Variants in UMAD1 observed in about 807,000 individuals in gnomAD.
The protein encoded by UMAD1 is UBAP1-MVB12-associated (UMA) domain containing 1.
A neutral mutation model predicts 6.1 loss-of-function variants in UMAD1; 8 were observed. The observed-to-expected ratio is 1.30, with a 90% CI of 0.76 to 2.35. The LOEUF is 2.35. Among genes scored for constraint, UMAD1 ranks in the 30% most tolerant of loss-of-function variants. UMAD1 has a pLI of 0.00. For synonymous variants in UMAD1, 56 were observed against 31.4 expected (o/e 1.78, Z -2.61); for missense variants, 130 against 78.4 (o/e 1.66, Z -2.49).
At chr7:7,868,263 C>G (rs1784269273) in intron 3 of UMAD1, 1 of 152,172 alleles carries the variant, frequency 6.6e-6, no homozygotes, top group South Asian at 2.1e-4. Context: ...ATTTAACGCA[C>G]TATTTCTTGC....
intron 1 of UMAD1, among the ~76,000 whole-genome samples, chr7:7,644,855 CTG>C (rs1241171725): frequency 6.6e-6 from 1 of 152,142 alleles, no homozygotes; most frequent in African/African-American, 2.4e-5. Context: ...CCAGGAAAAA[CTG>C]TGTTGGAATT....
intron 3 of UMAD1, among the ~76,000 whole-genome samples, chr7:7,817,915 G>A (rs11760675): frequency 0.55 from 83,424 of 151,680 alleles, 23,678 homozygotes; most frequent in East Asian, 0.63. Flanking sequence ...CTGGGCTCAT[G>A]TGATCTTCTC....
At chr7:7,680,506 A>G (rs1182093868) in intron 2 of UMAD1, among the ~76,000 whole-genome samples, 1 of 152,078 alleles carries the variant, frequency 6.6e-6, no homozygotes, top group African/African-American at 2.4e-5. Flanking sequence ...TGCTTAGAAC[A>G]GTTTTGGCTT....
At chr7:7,742,042 G>A in intron 2 of UMAD1, 1 of 523,344 alleles carries the variant, frequency 1.9e-6, no homozygotes, top group Non-Finnish European at 3.7e-6. Flanking sequence ...CAGTTCCATT[G>A]TACAGCACAG....
intron 2 of UMAD1, among the ~76,000 whole-genome samples, chr7:7,752,902 GT>G (rs1198518125): frequency 6.6e-6 from 1 of 151,756 alleles, no homozygotes; most frequent in Non-Finnish European, 1.5e-5. Context: ...TCTTTAAAAG[GT>G]CTAGAAAAGT....
intron 1 of UMAD1, among the ~76,000 whole-genome samples, chr7:7,664,394 T>G (rs149243395): frequency 6.6e-6 from 1 of 152,182 alleles, no homozygotes; most frequent in East Asian, 1.9e-4. Flanking sequence ...AATACTTTGC[T>G]CAAGACTCCA....
intron 3 of UMAD1, among the ~76,000 whole-genome samples, chr7:7,837,585 A>G (rs1783594597): frequency 6.6e-6 from 1 of 152,120 alleles, no homozygotes; most frequent in African/African-American, 2.4e-5. Flanking sequence ...TCACTAAAGA[A>G]AAGAAATAGT....
chr7:7,862,833 A>T (rs1724927374), intron 3 of UMAD1, among the ~76,000 whole-genome samples: 2 of 152,224 alleles, frequency 1.3e-5, no homozygotes, highest in Non-Finnish European at 2.9e-5. Flanking sequence ...CAAAAAACAA[A>T]AAAACTACAG....
At chr7:7,826,501 C>T (rs1563238434) in intron 3 of UMAD1, among the ~76,000 whole-genome samples, 1 of 152,132 alleles carries the variant, frequency 6.6e-6, no homozygotes, top group Non-Finnish European at 1.5e-5. Flanking sequence ...GTTAGCCACT[C>T]ACTTCCCACC....
intron 2 of UMAD1, among the ~76,000 whole-genome samples, chr7:7,710,809 A>G (rs1563144186): frequency 6.6e-6 from 1 of 152,232 alleles, no homozygotes; most frequent in Non-Finnish European, 1.5e-5. Context: ...CAACAGGTGA[A>G]TGGTTAAATC....
chr7:7,764,431 T>C lies in UMAD1; in HGVS notation c.83-37239T>C, dbSNP rs966393383. On this transcript the variant is annotated intron_variant, in intron 2 of 3. Coordinates refer to ENST00000682710, the MANE Select transcript of UMAD1 (RefSeq NM_001302348.2). The stretch of plus-strand genomic sequence containing the variant: ...GGTTAAGTAGTAAGGCAATATGAAG[T>C]TATACAGTGGATATAAGCAACTTGT... Among the ~76,000 whole-genome samples the C allele has an allele frequency of 7.2e-5, 11 of 152,326 alleles. No individual in the cohort carries two copies. The South Asian group carries it at 2.3e-3, about 32-fold the overall frequency.
intron 3 of UMAD1, among the ~76,000 whole-genome samples, chr7:7,842,352 T>C (rs1476493556): frequency 6.6e-6 from 1 of 152,224 alleles, no homozygotes; most frequent in Non-Finnish European, 1.5e-5. Context: ...TTATTTTTTG[T>C]TGTTGTATTT....
intron 2 of UMAD1, among the ~76,000 whole-genome samples, chr7:7,688,449 A>G (rs1001468567): frequency 6.6e-6 from 1 of 152,170 alleles, no homozygotes; most frequent in African/African-American, 2.4e-5. Flanking sequence ...TTCACTGATT[A>G]TCCGAATCCA....
intron 2 of UMAD1, among the ~76,000 whole-genome samples, chr7:7,759,408 C>T (rs994657634): frequency 1.3e-5 from 2 of 152,220 alleles, no homozygotes; most frequent in Non-Finnish European, 2.9e-5. Flanking sequence ...GGACAGAGGA[C>T]TCAGGCCCTC....
At chr7:7,666,891 C>T (rs767338776) in intron 1 of UMAD1, among the ~76,000 whole-genome samples, 16 of 152,092 alleles carry the variant, frequency 1.1e-4, no homozygotes, top group African/African-American at 2.7e-4. Flanking sequence ...CTGCAACCTC[C>T]GCCTCCCAAG....
chr7:7,741,455 T>A (rs1781462409), intron 2 of UMAD1, among the ~76,000 whole-genome samples: 1 of 151,676 alleles, frequency 6.6e-6, no homozygotes, highest in African/African-American at 2.4e-5. Flanking sequence ...CCTGTAGTCG[T>A]AGTCCCAGCC....
chr7:7,780,970 A>C (rs1782332977), intron 2 of UMAD1, among the ~76,000 whole-genome samples: 1 of 152,220 alleles, frequency 6.6e-6, no homozygotes, highest in South Asian at 2.1e-4. Flanking sequence ...ACTATAATAA[A>C]CATCTTTCTG....
intron 2 of UMAD1, among the ~76,000 whole-genome samples, chr7:7,708,566 GAAAGGAA>G (rs1780666667): frequency 6.6e-6 from 1 of 152,144 alleles, no homozygotes; most frequent in Non-Finnish European, 1.5e-5. Flanking sequence ...TTGAAACATT[GAAAGGAA>G]ACCTTTAAAA....
chr7:7,731,189 G>A (rs572840499), intron 2 of UMAD1, among the ~76,000 whole-genome samples: 1 of 152,034 alleles, frequency 6.6e-6, no homozygotes, highest in Non-Finnish European at 1.5e-5. Context: ...AGTAGAGAGG[G>A]GGGGGTTCCA....
Sources: gnomAD v4.1 joint callset for allele counts (sites outside exome capture counted in the v4.1 genomes callset) on GRCh38, gnomAD v4.1.1 for gene constraint, MANE v1.5 for transcripts, NCBI Gene and HGNC (gene_info 2026-07-23, HGNC 2026-07-21) for gene names.